SPEF2: variants seen among roughly 807,000 people sequenced by gnomAD.
The protein encoded by SPEF2 is sperm flagellar and cilia associated 2.
In SPEF2, 187 loss-of-function variants were observed where a neutral mutation model predicts 224.6. That is an observed-to-expected ratio of 0.83 (90% confidence interval 0.74 to 0.94). The LOEUF is 0.94. Ranked by LOEUF, SPEF2 falls within the 40% of genes least tolerant of loss-of-function variation. The pLI is 0.00. For synonymous variants in SPEF2, 715 were observed against 707.3 expected, an observed-to-expected ratio of 1.01 and a Z score of -0.17; for missense variants, 2,170 against 2,135.6, an observed-to-expected ratio of 1.02 and a Z score of -0.32.
At chr5:35,631,420 C>T (rs571226290) in intron 2 of SPEF2, among the ~76,000 whole-genome samples, 1 of 152,300 alleles carries the variant, frequency 6.6e-6, no homozygotes, top group East Asian at 1.9e-4. Context: ...CAAGACACCA[C>T]TTCATACCCA....
chr5:35,644,520 G>A lies in SPEF2; in HGVS notation c.580G>A (p.Glu194Lys), dbSNP rs749934771. The A allele has an allele frequency of 2.1e-5, 34 of 1,592,420 alleles. 1 individual carries two copies. The highest frequency in any genetic ancestry group is 1.1e-4 in the Admixed American group (6 of 54,800). The change falls in exon 4 of 37, where the codon GAA becomes AAA. Residue 194 changes from glutamate to lysine, a missense_variant. Physicochemically the swap from Glu to Lys is moderately conservative, Grantham distance 56 (BLOSUM62 1). Coordinates refer to ENST00000356031, the MANE Select transcript of SPEF2 (RefSeq NM_024867.4). The stretch of plus-strand genomic sequence containing the variant: ...GGAAGAGCAAAGATGTTTTGATATT[G>A]AAAAGGTTCTATAGAACTATTTTTT... ...LKEEQRCFDI[E>K]KQYLNRRRQN...
intron 15 of SPEF2, 52 bp downstream of exon 15, chr5:35,697,845 A>G: frequency 7.7e-7 from 1 of 1,298,618 alleles, no homozygotes; most frequent in Non-Finnish European, 1.1e-6. Context: ...TCTTTATCAC[A>G]CAAAGATGTA....
At chr5:35,757,562 C>A (rs1259019277) in intron 24 of SPEF2, among the ~76,000 whole-genome samples, 1 of 152,038 alleles carries the variant, frequency 6.6e-6, no homozygotes, top group Non-Finnish European at 1.5e-5. Context: ...CTATTTGATC[C>A]TATTCACCAT....
intron 2 of SPEF2, among the ~76,000 whole-genome samples, chr5:35,639,885 A>G (rs1290104193): frequency 6.6e-6 from 1 of 152,050 alleles, no homozygotes; most frequent in Admixed American, 6.6e-5. Context: ...TCTGTGTTCA[A>G]AAAACAACTG....
chr5:35,704,941 A>AT (rs2149576509), intron 17 of SPEF2, among the ~76,000 whole-genome samples: 1 of 152,256 alleles, frequency 6.6e-6, no homozygotes, highest in East Asian at 1.9e-4. Context: ...TGGAATCCTG[A>AT]TTCAGCACTC....
intron 10 of SPEF2, chr5:35,671,365 C>G (rs1561170608): frequency 1.0e-6 from 1 of 957,986 alleles, no homozygotes; most frequent in African/African-American, 1.8e-5. Flanking sequence ...TTAAATGAAT[C>G]TGTATTTGTA....
chr5:35,770,030 CGTGTGT>C (rs143871804), intron 26 of SPEF2, among the ~76,000 whole-genome samples: 1 of 142,236 alleles, frequency 7.0e-6, no homozygotes. Flanking sequence ...TGTGCATGTG[CGTGTGT>C]GTGTGTGTGT....
At chr5:35,745,101 T>C (rs1457953516) in intron 23 of SPEF2, among the ~76,000 whole-genome samples, 1 of 152,188 alleles carries the variant, frequency 6.6e-6, no homozygotes, top group Non-Finnish European at 1.5e-5. Context: ...TAACCTTACC[T>C]GGAGCTGAGT....
At chr5:35,804,451 A>G in intron 34 of SPEF2, among the ~76,000 whole-genome samples, 1 of 152,180 alleles carries the variant, frequency 6.6e-6, no homozygotes, top group East Asian at 1.9e-4. Context: ...ACCCACATTC[A>G]ACATCACCAG....
At chr5:35,727,889 T>C in intron 21 of SPEF2, 66 bp downstream of exon 21, 2 of 1,537,488 alleles carry the variant, frequency 1.3e-6, no homozygotes, top group South Asian at 2.5e-5. Flanking sequence ...AGATTCACAC[T>C]GTCATTTGCA....
chr5:35,764,982 C>T (rs1163172606), intron 26 of SPEF2, among the ~76,000 whole-genome samples: 1 of 152,136 alleles, frequency 6.6e-6, no homozygotes, highest in Non-Finnish European at 1.5e-5. Context: ...AAAGTAAATA[C>T]TCATGGCACC....
chr5:35,704,554 C>A lies in SPEF2; in HGVS notation c.2399C>A (p.Ala800Asp), dbSNP rs771898124. 4 of 1,597,346 alleles carry A rather than the reference C, an allele frequency of 2.5e-6. No homozygotes were observed. Among genetic ancestry groups the A allele is most frequent in the South Asian group, 2.3e-5 (2 of 87,724 alleles). The change falls in exon 17 of 37, where the codon GCT (alanine) becomes GAT (aspartate). Residue 800 changes from alanine to aspartate, a missense_variant and splice_region_variant. Physicochemically the swap from Ala to Asp is moderately radical, Grantham distance 126. Transcript: ENST00000356031. ...TAATTAAATAAATTTTATACCATAG[C>A]TGAAGAATTGTCCTATAAAACTGCT... is the stretch of plus-strand genomic sequence containing the variant. Reference protein sequence around the residue: ...SSMSRMNDIIAEELSYKTAHE... With the variant: ...SSMSRMNDIIDEELSYKTAHE...
At chr5:35,775,632 G>C (rs1753507748) in intron 28 of SPEF2, among the ~76,000 whole-genome samples, 1 of 152,128 alleles carries the variant, frequency 6.6e-6, no homozygotes, top group Non-Finnish European at 1.5e-5. Context: ...CTGCAGGTAA[G>C]ACAAATTACT....
chr5:35,777,536 A>G (rs1222575910), intron 29 of SPEF2, among the ~76,000 whole-genome samples: 2 of 152,060 alleles, frequency 1.3e-5, no homozygotes, highest in Non-Finnish European at 2.9e-5. Flanking sequence ...GTGGCCATCC[A>G]GTGTAAATGC....
intron 8 of SPEF2, among the ~76,000 whole-genome samples, chr5:35,665,545 C>CA (rs368089912): frequency 6.6e-6 from 1 of 152,162 alleles, no homozygotes; most frequent in African/African-American, 2.4e-5. Flanking sequence ...CTGGTAGGAC[C>CA]ATTCTACTAT....
At chr5:35,644,259 A>G in intron 3 of SPEF2, 96 bp from the exon 4 acceptor site, 3 of 1,112,434 alleles carry the variant, frequency 2.7e-6, no homozygotes, top group Non-Finnish European at 3.7e-6. Flanking sequence ...AGTAATTTAA[A>G]GAATTTCATT....
chr5:35,748,898 C>T (rs1018503867), intron 23 of SPEF2, among the ~76,000 whole-genome samples: 5 of 152,002 alleles, frequency 3.3e-5, no homozygotes, highest in Non-Finnish European at 5.9e-5. Flanking sequence ...AATTACAGAC[C>T]GATATCCTTG....
chr5:35,718,320 A>G (rs1169106830), intron 20 of SPEF2, among the ~76,000 whole-genome samples: 1 of 152,118 alleles, frequency 6.6e-6, no homozygotes, highest in Non-Finnish European at 1.5e-5. Flanking sequence ...AGATGCAATT[A>G]CCTATCTGTG....
At chr5:35,677,215 G>C (rs772231035) in intron 10 of SPEF2, among the ~76,000 whole-genome samples, 10 of 152,278 alleles carry the variant, frequency 6.6e-5, no homozygotes, top group South Asian at 6.2e-4. Context: ...CCCTGGCTAG[G>C]TAATAGCAGT....
Sources: gnomAD v4.1 joint callset for allele counts (sites outside exome capture counted in the v4.1 genomes callset) on GRCh38, gnomAD v4.1.1 for gene constraint, MANE v1.5 for transcripts, NCBI Gene and HGNC (gene_info 2026-07-23, HGNC 2026-07-21) for gene names.